Variants in ABCB5 observed in about 807,000 individuals in gnomAD.
ABCB5 encodes ATP binding cassette subfamily B member 5, also known as ATP-binding cassette sub-family B member 5.
A neutral mutation model predicts 144.2 loss-of-function variants in ABCB5; 155 were observed. That is an observed-to-expected ratio of 1.08 (90% CI 0.94 to 1.23). The LOEUF is 1.23. Ranked by LOEUF, ABCB5 falls within the 50% of genes most tolerant of loss-of-function variation. The pLI is 0.00. For synonymous variants in ABCB5, 610 were observed against 528.6 expected (o/e 1.15, Z -2.11); for missense variants, 1,830 against 1,520.8 (o/e 1.20, Z -3.38).
In ABCB5 at chr7:20,728,332, C is replaced by A; in HGVS notation, c.2744C>A (p.Ala915Glu). The A allele has an allele frequency of 6.2e-7, 1 of 1,613,906 alleles. No homozygotes were observed. Among genetic ancestry groups the A allele is most frequent in the Non-Finnish European group, 8.5e-7 (1 of 1,179,886 alleles). ...CATTCCAGAAATACCTCGAAGAAAG[C>A]ACAGATTATTGGAAGCTGTTATGCA... ...QTQHRNTSKK[A>E]QIIGSCYAFS... The change falls in exon 23 of 28, where the codon GCA becomes GAA. Residue 915 changes from alanine to glutamate, a missense_variant. Transcript: ENST00000404938.
At chr7:20,716,460 G>A (rs1230835970) in intron 20 of ABCB5, among the ~76,000 whole-genome samples, 1 of 152,060 alleles carries the variant, frequency 6.6e-6, no homozygotes, top group Non-Finnish European at 1.5e-5. Context: ...GGAGCATTTA[G>A]TATTTTTTTA....
At chr7:20,683,828 G>A (rs970554344) in intron 15 of ABCB5, among the ~76,000 whole-genome samples, 3 of 152,096 alleles carry the variant, frequency 2.0e-5, no homozygotes, top group Non-Finnish European at 4.4e-5. Flanking sequence ...GATTGACTGC[G>A]GTATCAAAAT....
At chr7:20,643,697 T>C in intron 7 of ABCB5, 65 bp downstream of exon 7, 1 of 1,565,232 alleles carries the variant, frequency 6.4e-7, no homozygotes, top group Non-Finnish European at 8.7e-7. Context: ...ACTCACTGAG[T>C]TTGTTCAAAA....
At chr7:20,714,392 A>C (rs1781602845) in intron 20 of ABCB5, among the ~76,000 whole-genome samples, 1 of 151,994 alleles carries the variant, frequency 6.6e-6, no homozygotes, top group South Asian at 2.1e-4. Context: ...AAAGAATCTA[A>C]GAAAGCTTAA....
intron 16 of ABCB5, among the ~76,000 whole-genome samples, chr7:20,692,251 CA>C (rs1786254239): frequency 6.6e-6 from 1 of 151,748 alleles, no homozygotes; most frequent in Non-Finnish European, 1.5e-5. Flanking sequence ...GAGAAATTGA[CA>C]CAATATAGAT....
At chr7:20,629,565 T>C (rs1239152308) in intron 4 of ABCB5, among the ~76,000 whole-genome samples, 4 of 151,944 alleles carry the variant, frequency 2.6e-5, no homozygotes, top group Non-Finnish European at 4.4e-5. Context: ...AGTTCGATAC[T>C]AGCCTGGCCA....
rs2128023722 is a variant in ABCB5 at position 20,645,968 on chromosome 7, C to T, written c.811C>T (p.Gln271Ter). 1 of 1,613,490 alleles carries T rather than the reference C, an allele frequency of 6.2e-7. No homozygotes were observed. The highest frequency in any genetic ancestry group is 1.1e-5 in the South Asian group (1 of 91,020). The change falls in exon 9 of 28, where the codon CAG becomes TAG. Residue 271 changes from glutamine (Q) to a stop codon, truncating the protein, a stop_gained. Transcript: ENST00000404938. LOFTEE classifies it high-confidence loss of function. ...GTGTTCTGTTTTTGTAAGGTATACACAGAATCTCAAAGATGCAAAGGATTT... is the reference window on the plus strand; with the variant it reads ...GTGTTCTGTTTTTGTAAGGTATACATAGAATCTCAAAGATGCAAAGGATTT... The part of the protein sequence containing the change: ...AQEKELQRYT[Q>*]NLKDAKDFGI...
In ABCB5 at chr7:20,755,801, C is replaced by T; in HGVS notation, c.*177C>T. The T allele has an allele frequency of 3.3e-6, 2 of 612,092 alleles. No homozygotes were observed. The highest frequency in any genetic ancestry group is 5.5e-6 in the Non-Finnish European group (2 of 365,734). The allele number at this position is 612,092 out of a possible 1,614,324, so 37.9% of individuals were successfully genotyped here. ...TGACCTTCAGATTTTTAAAAGGAAG[C>T]AAAAATTTGCTTATTTCATGTAAGT... On this transcript the variant is annotated 3_prime_UTR_variant, in exon 28 of 28. Transcript: ENST00000404938.
chr7:20,658,552 G>C lies in ABCB5; in HGVS notation c.1583G>C (p.Gly528Ala). 6.2e-7 allele frequency: 1 copy of C among 1,614,082 alleles called. No homozygotes were observed. The highest frequency in any genetic ancestry group is 8.5e-7 in the Non-Finnish European group (1 of 1,180,010). ...GAAAAAGGAGCTCAAATGAGTGGAGGGCAGAAACAGAGGATCGCAATTGCT... is the reference window on the plus strand; with the variant it reads ...GAAAAAGGAGCTCAAATGAGTGGAGCGCAGAAACAGAGGATCGCAATTGCT... ...VGEKGAQMSG[G>A]QKQRIAIARA... Residue 528 changes from glycine to alanine, a missense_variant, in exon 14 of 28, where the codon GGG becomes GCG. Transcript: ENST00000404938.
chr7:20,753,756 A>C (rs1783003236), intron 27 of ABCB5, among the ~76,000 whole-genome samples: 1 of 152,228 alleles, frequency 6.6e-6, no homozygotes. Flanking sequence ...TCATTATCAA[A>C]AGTGGACCAA....
At chr7:20,715,415 G>A (rs774755411) in intron 20 of ABCB5, among the ~76,000 whole-genome samples, 1 of 151,976 alleles carries the variant, frequency 6.6e-6, no homozygotes, top group African/African-American at 2.4e-5. Flanking sequence ...GTGTGTGTGT[G>A]CGTGTGTGTG....
At chr7:20,704,687 T>C (rs1011777114) in intron 19 of ABCB5, 37 bp from the exon 20 acceptor site, 2 of 1,562,140 alleles carry the variant, frequency 1.3e-6, no homozygotes, top group Non-Finnish European at 1.7e-6. Flanking sequence ...AAAAAAATGA[T>C]TTTTGACAAC....
At chr7:20,623,422 A>G in intron 2 of ABCB5, 84 bp downstream of exon 2, 1 of 1,177,758 alleles carries the variant, frequency 8.5e-7, no homozygotes, top group Non-Finnish European at 1.2e-6. Context: ...AAAAATGTTT[A>G]TAATTTTTTC....
chr7:20,689,810 T>A (rs565314462), intron 16 of ABCB5, among the ~76,000 whole-genome samples: 2 of 152,146 alleles, frequency 1.3e-5, no homozygotes, highest in Non-Finnish European at 2.9e-5. Context: ...AGGAGAAATA[T>A]TTATTAGGCA....
chr7:20,637,587 A>T (rs1317821163), intron 5 of ABCB5, among the ~76,000 whole-genome samples: 1 of 151,802 alleles, frequency 6.6e-6, no homozygotes, highest in Non-Finnish European at 1.5e-5. Flanking sequence ...TGCCTGGCTA[A>T]TTTTGTATTT....
In ABCB5 at chr7:20,756,573, G is replaced by A. The variant is rs944661477; in HGVS notation, c.*949G>A. The A allele has an allele frequency of 1.3e-5, 2 of 150,816 alleles. No homozygotes were observed. The highest frequency in any genetic ancestry group is 2.4e-5 in the African/African-American group (1 of 40,920). 9.3% of individuals were successfully genotyped at this position (150,816 alleles called of 1,614,324 possible). The stretch of plus-strand genomic sequence containing the variant: ...CAGGAGAATCATTTGAACCTAGGAG[G>A]CAGAGGTTGCAGTGAGCCGAGATCT... On this transcript the variant is annotated 3_prime_UTR_variant, in exon 28 of 28. Transcript: ENST00000404938.
chr7:20,663,268 G>C (rs1431307819), intron 14 of ABCB5, among the ~76,000 whole-genome samples: 1 of 152,178 alleles, frequency 6.6e-6, no homozygotes, highest in Non-Finnish European at 1.5e-5. Flanking sequence ...ATTGAAAGCA[G>C]GGTCTCAAAG....
chr7:20,704,847 G>A, intron 20 of ABCB5, 40 bp downstream of exon 20: 1 of 1,521,038 alleles, frequency 6.6e-7, no homozygotes, highest in African/African-American at 1.4e-5. Context: ...GTATGTATGT[G>A]GTGTGCACAC....
rs375623302 is a variant in ABCB5, at chr7:20,742,924, T to C, written c.3072T>C (p.Tyr1024=). 3 of 1,614,086 alleles carry C rather than the reference T, an allele frequency of 1.9e-6. No individual in the cohort carries two copies. Among genetic ancestry groups the C allele is most frequent in the Non-Finnish European group, 8.5e-7 (1 of 1,180,038 alleles). Residue 1024 remains tyrosine (Y), a synonymous_variant, in exon 25 of 28, where the codon TAT becomes TAC. Coordinates refer to ENST00000404938, the MANE Select transcript of ABCB5 (RefSeq NM_001163941.2). The part of the protein sequence containing the change: ...NLEFREVSFF[Y]PCRPDVFILR... ...AGTTTCGAGAAGTCTCTTTCTTCTA[T>C]CCATGTCGCCCAGATGTTTTCATCC...
Sources: allele counts gnomAD v4.1 joint callset (sites outside exome capture counted in the v4.1 genomes callset), GRCh38; gene constraint gnomAD v4.1.1; transcripts MANE v1.5; gene names NCBI Gene and HGNC (gene_info 2026-07-23, HGNC 2026-07-21).